Variants in TENM2 observed in about 807,000 individuals in gnomAD.
TENM2 encodes teneurin transmembrane protein 2, also known as teneurin-2.
TENM2 carries 52 observed loss-of-function variants against 245.2 expected under a neutral mutation model. The ratio of observed to expected loss-of-function variants is 0.21; its 90% CI spans 0.17 to 0.27. The LOEUF (loss-of-function observed/expected upper bound fraction) is 0.27. Ranked by LOEUF, TENM2 falls within the 10% of genes least tolerant of loss-of-function variation. The pLI is 1.00. For missense variants in TENM2, 3,046 were observed against 3,666.8 expected (o/e 0.83, Z 4.37); for synonymous variants, 1,363 against 1,438.9 (o/e 0.95, Z 1.19).
At chr5:167,952,776 C>T (rs1468244455) in exon 4 of TENM2, 1 of 1,574,382 alleles carries the variant, frequency 6.4e-7, no homozygotes, top group African/African-American at 1.4e-5. Context: ...GTCCGTTCAG[C>T]TTCAGGACAG....
intron 1 of TENM2, among the ~76,000 whole-genome samples, chr5:167,365,974 A>G (rs918640634): frequency 6.6e-6 from 1 of 151,986 alleles, no homozygotes; most frequent in South Asian, 2.1e-4. Context: ...TTTTGAAGGT[A>G]TAGAAAACAA....
chr5:167,152,456 T>G, the TENM2 span, among the ~76,000 whole-genome samples: 1 of 152,330 alleles, frequency 6.6e-6, no homozygotes, highest in Middle Eastern at 3.4e-3. Context: ...ACATTCGGTT[T>G]TATGGGTCCA....
At chr5:167,351,467 A>T (rs1758909172) in intron 1 of TENM2, among the ~76,000 whole-genome samples, 2 of 152,150 alleles carry the variant, frequency 1.3e-5, no homozygotes, top group Non-Finnish European at 2.9e-5. Flanking sequence ...ACATGGCCTG[A>T]CCTAGATGCT....
chr5:168,021,154 A>C (rs944650611), intron 5 of TENM2, among the ~76,000 whole-genome samples: 37 of 152,184 alleles, frequency 2.4e-4, no homozygotes, highest in Non-Finnish European at 2.9e-5. Context: ...CCTTGACCAA[A>C]GTTATATCCT....
intron 12 of TENM2, among the ~76,000 whole-genome samples, chr5:168,135,635 A>G (rs1044000783): frequency 1.3e-5 from 2 of 152,176 alleles, no homozygotes; most frequent in Non-Finnish European, 2.9e-5. Context: ...AAATTTAAGT[A>G]TTTCATCATA....
At chr5:167,759,155 C>T (rs1425634108) in intron 2 of TENM2, among the ~76,000 whole-genome samples, 1 of 147,976 alleles carries the variant, frequency 6.8e-6, no homozygotes, top group African/African-American at 2.6e-5. Flanking sequence ...CTGACACATA[C>T]TAGATTACTT....
intron 2 of TENM2, among the ~76,000 whole-genome samples, chr5:167,633,774 A>G (rs1779021039): frequency 6.6e-6 from 1 of 152,076 alleles, no homozygotes; most frequent in Non-Finnish European, 1.5e-5. Context: ...TATAGGTGCA[A>G]TTCTACAAAA....
chr5:168,217,594 T>C (rs1211228706), intron 22 of TENM2, among the ~76,000 whole-genome samples: 1 of 152,202 alleles, frequency 6.6e-6, no homozygotes, highest in Non-Finnish European at 1.5e-5. Context: ...TGCGTTCGGT[T>C]CCGTTTATTT....
chr5:167,937,726 C>T (rs977909884), intron 3 of TENM2: 5 of 152,020 alleles, frequency 3.3e-5, no homozygotes, highest in East Asian at 1.9e-4. Context: ...CGGGTCAGAC[C>T]GCACGTGTTT....
rs530515939 is a variant in TENM2 at position 167,642,722 on chromosome 5, G to A, written c.503-233264G>A. 2.0e-5 allele frequency among the ~76,000 whole-genome samples: 3 copies of A among 152,316 alleles called. No individual in the cohort carries two copies. The East Asian group carries it at 5.8e-4, about 29-fold the overall frequency. On this transcript the variant is annotated intron_variant, in intron 2 of 28. Coordinates refer to ENST00000518659, the Ensembl canonical transcript of TENM2. Reference sequence around the variant, plus strand: ...AGGATTGGACATACAGAATTCTTCAGTGGAGGAAATGCAATGCTTGGCTTA... The same window carrying A: ...AGGATTGGACATACAGAATTCTTCAATGGAGGAAATGCAATGCTTGGCTTA...
chr5:167,449,915 G>A (rs938860888), intron 2 of TENM2, among the ~76,000 whole-genome samples: 16 of 152,146 alleles, frequency 1.1e-4, no homozygotes, highest in Admixed American at 4.6e-4. Context: ...CTGAGATCCC[G>A]CCATTGCACT....
chr5:167,255,073 C>CTTTTTTTTTTTTT, the TENM2 span, among the ~76,000 whole-genome samples: 3 of 125,528 alleles, frequency 2.4e-5, no homozygotes, highest in Non-Finnish European at 5.2e-5. Context: ...CTTTTCTTTT[C>CTTTTTTTTTTTTT]TTTTTTTTTT....
rs137905980 is a variant in TENM2 at position 167,565,553 on chromosome 5, T to A, written c.502+190080T>A. Among the ~76,000 whole-genome samples, 91 of 152,316 alleles carry A rather than the reference T, an allele frequency of 6.0e-4. 1 individual carries two copies. Among genetic ancestry groups the A allele is most frequent in the African/African-American group, 2.0e-3 (85 of 41,560 alleles). On this transcript the variant is annotated intron_variant, in intron 2 of 28. Coordinates refer to ENST00000518659, the Ensembl canonical transcript of TENM2. The stretch of plus-strand genomic sequence containing the variant: ...TCCATAATGCAATTCTTTTTCCTCT[T>A]AGAGTAGATTTAGCTTTGGTAGAAT...
chr5:167,564,695 T>C (rs1358253257), intron 2 of TENM2, among the ~76,000 whole-genome samples: 3 of 152,194 alleles, frequency 2.0e-5, no homozygotes, highest in Non-Finnish European at 4.4e-5. Flanking sequence ...TTCATCTAGC[T>C]GGTGGGTTTC....
intron 2 of TENM2, among the ~76,000 whole-genome samples, chr5:167,396,139 T>C (rs1301714021): frequency 2.0e-5 from 3 of 152,142 alleles, no homozygotes; most frequent in African/African-American, 7.2e-5. Flanking sequence ...AATCAGAATC[T>C]CAAAGGGATA....
the TENM2 span, among the ~76,000 whole-genome samples, chr5:167,027,364 C>T: frequency 2.6e-5 from 4 of 152,242 alleles, no homozygotes; most frequent in East Asian, 3.9e-4. Flanking sequence ...GAGCCCAGTT[C>T]GCCCAGCTAG....
At chr5:167,105,715 C>T in the TENM2 span, among the ~76,000 whole-genome samples, 3 of 149,598 alleles carry the variant, frequency 2.0e-5, no homozygotes, top group African/African-American at 4.9e-5. Context: ...GGTGAAACCC[C>T]GTCTCTACTA....
Position 168,057,400 on chromosome 5 carries a change from C to G in TENM2, c.1310-4660C>G, listed in dbSNP as rs114687361. Among the ~76,000 whole-genome samples, 1,333 of 152,092 alleles carry G rather than the reference C, an allele frequency of 8.8e-3. 17 individuals are homozygous for G. The highest frequency in any genetic ancestry group is 0.03 in the African/African-American group (1,259 of 41,460). On this transcript the variant is annotated intron_variant, in intron 6 of 28. Transcript: ENST00000518659. ...ATCCTCCTGACCCACTCTGAGACCA[C>G]AATAGGCTAATAAGGAATGCCATTT... is the stretch of plus-strand genomic sequence containing the variant.
intron 7 of TENM2, among the ~76,000 whole-genome samples, chr5:168,070,130 C>T (rs958882129): frequency 1.3e-5 from 2 of 152,088 alleles, no homozygotes; most frequent in Non-Finnish European, 2.9e-5. Flanking sequence ...ATAAAATGCT[C>T]CTCTTTTGAC....
Sources: gnomAD v4.1 joint callset for allele counts (sites outside exome capture counted in the v4.1 genomes callset) on GRCh38, gnomAD v4.1.1 for gene constraint, MANE v1.5 for transcripts, NCBI Gene and HGNC (gene_info 2026-07-23, HGNC 2026-07-21) for gene names.